The following ELSPBP1 variants were observed in gnomAD, a reference collection of about 807,000 sequenced individuals.
ELSPBP1 encodes the protein epididymal sperm-binding protein 1.
In ELSPBP1, 38 loss-of-function variants were observed where a neutral mutation model predicts 33.3. The observed-to-expected ratio is 1.14, with a 90% CI of 0.88 to 1.50. The LOEUF (loss-of-function observed/expected upper bound fraction) is 1.50, where lower values mean the gene tolerates loss of function less well. Among genes scored for constraint, ELSPBP1 ranks in the 40% most tolerant of loss-of-function variants. The probability of loss-of-function intolerance (pLI) is 0.00; values close to 1 mark genes in which losing one functional copy is unlikely to be tolerated. For synonymous variants in ELSPBP1, 85 were observed against 94.1 expected (o/e 0.90, Z 0.56); for missense variants, 267 against 263.5 (o/e 1.01, Z -0.09).
chr19:48,016,482 TTCTTTCTTTCTTTC>T (rs1349067052), intron 4 of ELSPBP1, among the ~76,000 whole-genome samples: 1 of 86,520 alleles, frequency 1.2e-5, no homozygotes, highest in Non-Finnish European at 2.4e-5. Flanking sequence ...CTTTCTTTCT[TTCTTTCTTTCTTTC>T]TTTCTTTCTT....
chr19:48,013,653 G>T (rs1967099976), intron 2 of ELSPBP1, among the ~76,000 whole-genome samples: 1 of 151,816 alleles, frequency 6.6e-6, no homozygotes, highest in African/African-American at 2.4e-5. Flanking sequence ...GGAGGTGGAG[G>T]TTGCAGTGAG....
intron 2 of ELSPBP1, 125 bp downstream of exon 2, chr19:48,008,862 G>T: frequency 1.2e-6 from 1 of 807,126 alleles, no homozygotes; most frequent in Non-Finnish European, 2.0e-6. Flanking sequence ...GAAGCTGGGC[G>T]CGGTGGCTGA....
intron 2 of ELSPBP1, among the ~76,000 whole-genome samples, chr19:48,012,363 C>T (rs1779871543): frequency 6.6e-6 from 1 of 151,906 alleles, no homozygotes; most frequent in Non-Finnish European, 1.5e-5. Flanking sequence ...AGCGATCCGC[C>T]CACCTCAGCC....
intron 2 of ELSPBP1, among the ~76,000 whole-genome samples, chr19:48,010,284 G>C (rs1967063660): frequency 6.6e-6 from 1 of 152,140 alleles, no homozygotes; most frequent in Admixed American, 6.6e-5. Context: ...GTACTTGATG[G>C]GGTATCCACT....
At chr19:48,015,835 C>T in intron 3 of ELSPBP1, 58 bp from the exon 4 acceptor site, 1 of 1,512,248 alleles carries the variant, frequency 6.6e-7, no homozygotes. Flanking sequence ...GATTAAATGA[C>T]TCTGTCCTGT....
At chr19:48,021,407 GT>G (rs35834626) in intron 5 of ELSPBP1, among the ~76,000 whole-genome samples, 84,059 of 141,984 alleles carry the variant, frequency 0.59, 24,401 homozygotes, top group East Asian at 0.84. Flanking sequence ...TTATTTTTTA[GT>G]TTTTTTTTTT....
chr19:48,003,144 G>A (rs952871325), intron 1 of ELSPBP1, among the ~76,000 whole-genome samples: 5 of 152,154 alleles, frequency 3.3e-5, no homozygotes, highest in Non-Finnish European at 5.9e-5. Context: ...TGTTCCAGAC[G>A]AGACATGGGT....
intron 2 of ELSPBP1, among the ~76,000 whole-genome samples, chr19:48,012,941 G>A (rs2122316406): frequency 6.6e-6 from 1 of 152,272 alleles, no homozygotes; most frequent in Middle Eastern, 3.4e-3. Flanking sequence ...AATTCTGCTA[G>A]ACTATCGTCC....
chr19:48,006,591 G>T (rs569461107), intron 1 of ELSPBP1, among the ~76,000 whole-genome samples: 1 of 71,666 alleles, frequency 1.4e-5, no homozygotes, highest in African/African-American at 5.9e-5. Context: ...TCCAGTCTGG[G>T]CGTCTGGGCG....
chr19:48,004,830 G>A (rs984470320), intron 1 of ELSPBP1, among the ~76,000 whole-genome samples: 11 of 152,206 alleles, frequency 7.2e-5, no homozygotes, highest in African/African-American at 1.2e-4. Flanking sequence ...CATACTCATC[G>A]TGTAGCCCTG....
intron 6 of ELSPBP1, among the ~76,000 whole-genome samples, chr19:48,023,855 TTC>T (rs1491560724): frequency 2.0e-5 from 3 of 152,016 alleles, no homozygotes; most frequent in African/African-American, 7.2e-5. Flanking sequence ...CTTTATTTTT[TTC>T]TTTTTCTTTA....
chr19:47,997,534 T>A (rs1183989137), intron 1 of ELSPBP1, among the ~76,000 whole-genome samples: 2 of 152,204 alleles, frequency 1.3e-5, no homozygotes, highest in Admixed American at 1.3e-4. Context: ...GTTTTATTGA[T>A]ACACAACAAT....
chr19:48,019,821 G>A lies in ELSPBP1; in HGVS notation c.458G>A (p.Cys153Tyr), dbSNP rs1342169679. 1 of 1,613,426 alleles carries A rather than the reference G, an allele frequency of 6.2e-7. No individual in the cohort carries two copies. Among genetic ancestry groups the A allele is most frequent in the South Asian group, 1.1e-5 (1 of 91,062 alleles). The change falls in exon 5 of 7, where the codon TGC (cysteine) becomes TAC (tyrosine). Residue 153 changes from cysteine (C) to tyrosine (Y), a missense_variant. Cys to Tyr is a radical substitution (Grantham distance 194, BLOSUM62 -2). Transcript: ENST00000339841. ...CMEDESNKLW[C>Y]PTTENMDKDG... is the part of the protein sequence containing the mutation. ...GAGGATGAAAGCAACAAGCTCTGGT[G>A]CCCAACCACAGAGAACATGGATAAG...
At position 48,000,014 on chromosome 19, in the gene ELSPBP1, G is replaced by A. The variant is rs146755464; in HGVS notation, c.-18+5203G>A. The stretch of plus-strand genomic sequence containing the variant: ...ATTTTTAATATTTTGTAGAGAAGGA[G>A]GGGGTCTCACTACGTTGCACAAGCT... On this transcript the variant is annotated intron_variant, in intron 1 of 6. Transcript: ENST00000339841. 3.9e-3 allele frequency among the ~76,000 whole-genome samples: 591 copies of A among 151,072 alleles called. 1 individual carries two copies. Among genetic ancestry groups the A allele is most frequent in the African/African-American group, 0.014 (565 of 41,136 alleles).
intron 1 of ELSPBP1, among the ~76,000 whole-genome samples, chr19:48,003,960 T>TATTCTATTCTA (rs1966993222): frequency 7.4e-6 from 1 of 136,026 alleles, no homozygotes; most frequent in African/African-American, 2.8e-5. Flanking sequence ...TATTCTATTC[T>TATTCTATTCTA]TTTGAGACAG....
At chr19:48,010,954 C>T (rs2122311253) in intron 2 of ELSPBP1, among the ~76,000 whole-genome samples, 1 of 152,264 alleles carries the variant, frequency 6.6e-6, no homozygotes, top group Non-Finnish European at 1.5e-5. Context: ...AACACAGTAT[C>T]CTATATACTC....
chr19:48,008,961 C>G (rs11878754), intron 2 of ELSPBP1, among the ~76,000 whole-genome samples: 24,987 of 151,832 alleles, frequency 0.16, 2,110 homozygotes, highest in Middle Eastern at 0.22. Context: ...CATGGTGAAA[C>G]CCCATCTCTA....
At chr19:48,001,202 C>G (rs757628327) in intron 1 of ELSPBP1, among the ~76,000 whole-genome samples, 1 of 150,172 alleles carries the variant, frequency 6.7e-6, no homozygotes, top group East Asian at 1.9e-4. Flanking sequence ...CACAGAGTCT[C>G]GCTCTGTTGA....
In ELSPBP1 at chr19:48,003,539, C is replaced by CTTTTTTTTTTTTTT. The variant is rs34961390; in HGVS notation, c.-17-5108_-17-5095dup. Among the ~76,000 whole-genome samples, 4 of 138,890 alleles carry CTTTTTTTTTTTTTT rather than the reference C, an allele frequency of 2.9e-5. 1 individual carries two copies. The highest frequency in any genetic ancestry group is 1.6e-5 in the Non-Finnish European group (1 of 64,404). The allele number at this position is 138,890 out of a possible 152,430, so 91.1% of individuals were successfully genotyped here. A position where few individuals can be genotyped will look rare whatever the true frequency, so the allele number is the denominator to read the frequency against. On this transcript the variant is annotated intron_variant, in intron 1 of 6. Coordinates refer to ENST00000339841, the MANE Select transcript of ELSPBP1 (RefSeq NM_022142.5). ...TGAATGAATAAATGCCACCCCTGCT[C>CTTTTTTTTTTTTTT]TTTTTTTTTTTTTTTTTGATGGAGT...
Sources: gnomAD v4.1 joint callset for allele counts (sites outside exome capture counted in the v4.1 genomes callset) on GRCh38, gnomAD v4.1.1 for gene constraint, MANE v1.5 for transcripts, NCBI Gene and HGNC (gene_info 2026-07-23, HGNC 2026-07-21) for gene names.